The following ITGA7 variants were observed in gnomAD, a reference collection of about 807,000 sequenced individuals.
The protein encoded by ITGA7 is integrin alpha-7.
In ITGA7, 84 loss-of-function variants were observed where a neutral mutation model predicts 131.6. The ratio of observed to expected loss-of-function variants is 0.64; its 90% CI spans 0.54 to 0.77. ITGA7 has a LOEUF of 0.77. Among genes scored for constraint, ITGA7 ranks in the 30% least tolerant of loss-of-function variants. The probability of loss-of-function intolerance (pLI) is 0.00; values close to 1 mark genes in which losing one functional copy is unlikely to be tolerated. For missense variants in ITGA7, 1,399 were observed against 1,482.9 expected (o/e 0.94, Z 0.93); for synonymous variants, 548 against 600.7 (o/e 0.91, Z 1.28).
chr12:55,688,987 C>A (rs1298760726), intron 21 of ITGA7, 30 bp from the exon 22 acceptor site: 2 of 1,568,174 alleles, frequency 1.3e-6, no homozygotes, highest in Non-Finnish European at 1.8e-6. Context: ...GGGGTCTAAG[C>A]CACTCAGCTC....
intron 21 of ITGA7, among the ~76,000 whole-genome samples, chr12:55,690,274 A>G (rs1871148204): frequency 6.6e-6 from 1 of 152,230 alleles, no homozygotes; most frequent in South Asian, 2.1e-4. Flanking sequence ...CAAATTTACA[A>G]GAACAAAACA....
At chr12:55,693,941 G>T in intron 19 of ITGA7, 80 bp downstream of exon 19, 1 of 1,156,286 alleles carries the variant, frequency 8.6e-7, no homozygotes, top group Non-Finnish European at 1.3e-6. Flanking sequence ...AAGAGCCCCA[G>T]CCCTGGGGAC....
intron 22 of ITGA7, 49 bp downstream of exon 22, chr12:55,688,795 G>T: frequency 7.3e-7 from 1 of 1,373,632 alleles, no homozygotes; most frequent in Non-Finnish European, 1.0e-6. Context: ...GTCCTGGAGG[G>T]GCTTTGGAGG....
rs766195361 is a variant in ITGA7, at chr12:55,685,264, G to A, written c.3208C>T (p.His1070Tyr). The change falls in exon 25 of 25, where the codon CAC becomes TAC. Residue 1070 changes from histidine to tyrosine, a missense_variant. Transcript: ENST00000257879. ...WKMGFFKRAKHPEATVPQYHA... is the reference protein window; with the variant it reads ...WKMGFFKRAKYPEATVPQYHA... Reference sequence around the variant, plus strand: ...TACTGGGGCACGGTGGCCTCGGGGTGCTTCGCCCGTTTGAAGAATCCCATC... The same window carrying A: ...TACTGGGGCACGGTGGCCTCGGGGTACTTCGCCCGTTTGAAGAATCCCATC... The A allele has an allele frequency of 1.2e-6, 2 of 1,614,066 alleles. No homozygotes were observed. Among genetic ancestry groups the A allele is most frequent in the East Asian group, 2.2e-5 (1 of 44,894 alleles).
At position 55,696,347 on chromosome 12, in the gene ITGA7, C is replaced by A. The variant is rs765710345; in HGVS notation, c.1823G>T (p.Gly608Val). The A allele has an allele frequency of 1.2e-5, 19 of 1,587,626 alleles. No homozygotes were observed. The highest frequency in any genetic ancestry group is 1.7e-4 in the Middle Eastern group (1 of 6,048). ...GGGGGCCACTGGAGGCAGCCCCTGG[C>A]CAGGAGCCTGTCGCCGGAGCCGAGG... ...QTPRLRRQAP[G>V]QGLPPVAPIL... The change falls in exon 13 of 25, where the codon GGC (glycine) becomes GTC (valine). Residue 608 changes from glycine to valine, a missense_variant. Gly to Val is a moderately radical substitution (Grantham distance 109). Transcript: ENST00000257879.
chr12:55,700,297 G>A, intron 4 of ITGA7: 5 of 1,609,608 alleles, frequency 3.1e-6, no homozygotes, highest in Non-Finnish European at 2.5e-6. Context: ...GATGAGGCGG[G>A]GGTCCTGCTC....
chr12:55,695,675 G>A, intron 13 of ITGA7, 38 bp from the exon 14 acceptor site: 3 of 1,442,558 alleles, frequency 2.1e-6, no homozygotes, highest in Non-Finnish European at 2.9e-6. Flanking sequence ...TTCCTAGGGG[G>A]CAAGGCAGGG....
chr12:55,701,246 G>A, intron 3 of ITGA7, 92 bp from the exon 4 acceptor site: 1 of 1,592,514 alleles, frequency 6.3e-7, no homozygotes, highest in Non-Finnish European at 8.6e-7. Context: ...GGCAGATACT[G>A]ATACATGTGT....
rs983887738 is a variant in ITGA7, at chr12:55,686,079, C to T, written c.3184-791G>A. ...TCTAATTACCTCTCACCTCACATCACTCTCATGCAATCTCATTTTTCACCC... is the reference window on the plus strand; with the variant it reads ...TCTAATTACCTCTCACCTCACATCATTCTCATGCAATCTCATTTTTCACCC... On this transcript the variant is annotated intron_variant, in intron 24 of 24. Coordinates refer to ENST00000257879, the MANE Select transcript of ITGA7 (RefSeq NM_002206.3). 1.7e-5 allele frequency: 8 copies of T among 466,528 alleles called. No individual in the cohort carries two copies. The East Asian group carries it at 2.2e-4, about 13-fold the overall frequency. The allele number at this position is 466,528 out of a possible 1,614,324, so 28.9% of individuals were successfully genotyped here.
intron 1 of ITGA7, among the ~76,000 whole-genome samples, chr12:55,705,619 T>A (rs1379194061): frequency 6.6e-6 from 1 of 152,210 alleles, no homozygotes. Flanking sequence ...GGATCCAGAA[T>A]CTCTGTAAGG....
Position 55,698,887 on chromosome 12 carries a change from A to G in ITGA7, c.821T>C (p.Val274Ala). 6.2e-7 allele frequency: 1 copy of G among 1,613,480 alleles called. No individual in the cohort carries two copies. The highest frequency in any genetic ancestry group is 8.5e-7 in the Non-Finnish European group (1 of 1,179,788). ...GFSIDSGKGL[V>A]RAEELSFVAG... is the part of the protein sequence containing the mutation. The stretch of plus-strand genomic sequence containing the variant: ...CACAAAGCTCAGCTCTTCTGCACGC[A>G]CCAGACCTTTCCCCGAGTCAATAGA... Residue 274 changes from valine (V) to alanine (A), a missense_variant, in exon 6 of 25, where the codon GTG becomes GCG. By Grantham distance (64) the Val-to-Ala change is moderately conservative (BLOSUM62 0). Coordinates refer to ENST00000257879, the MANE Select transcript of ITGA7 (RefSeq NM_002206.3).
chr12:55,702,822 C>G, intron 3 of ITGA7, 50 bp downstream of exon 3: 3 of 1,487,368 alleles, frequency 2.0e-6, no homozygotes, highest in Non-Finnish European at 2.8e-6. Context: ...CATAAACACA[C>G]ACACACACAC....
intron 1 of ITGA7, among the ~76,000 whole-genome samples, chr12:55,703,992 C>A (rs1418256910): frequency 6.6e-6 from 1 of 152,194 alleles, no homozygotes; most frequent in Non-Finnish European, 1.5e-5. Flanking sequence ...TTTCCATGAT[C>A]ACAGCCAAGC....
chr12:55,707,888 G>T lies in ITGA7; in HGVS notation c.-206C>A. ...ACCGGCTAGGACAACTACAGCAGCC[G>T]CAGCTCCGGCGCCCACTCCGGCTCC... is the stretch of plus-strand genomic sequence containing the variant. On this transcript the variant is annotated 5_prime_UTR_variant, in exon 1 of 25. Transcript: ENST00000257879. The T allele has an allele frequency of 7.1e-7, 1 of 1,399,364 alleles. No homozygotes were observed. The highest frequency in any genetic ancestry group is 2.7e-5 in the East Asian group (1 of 36,452). The allele number at this position is 1,399,364 out of a possible 1,614,324, so 86.7% of individuals were successfully genotyped here.
Position 55,698,855 on chromosome 12 carries a change from C to T in ITGA7, c.853G>A (p.Ala285Thr). The change falls in exon 6 of 25, where the codon GCC becomes ACC. Residue 285 changes from alanine to threonine, a missense_variant. Ala to Thr is a moderately conservative substitution (Grantham distance 58, BLOSUM62 0). Transcript: ENST00000257879. ...GCACCCTTGTGGTTGGCGCGGGGGG[C>T]TCCAGCCACAAAGCTCAGCTCTTCT... ...RAEELSFVAG[A>T]PRANHKGAVV... is the part of the protein sequence containing the mutation. The T allele has an allele frequency of 1.2e-6, 2 of 1,613,820 alleles. No homozygotes were observed. The highest frequency in any genetic ancestry group is 1.7e-6 in the Non-Finnish European group (2 of 1,179,956).
Position 55,703,108 on chromosome 12 carries a change from C to G in ITGA7, c.277G>C (p.Ala93Pro), listed in dbSNP as rs777338785. The change falls in exon 2 of 25, where the codon GCT becomes CCT. Residue 93 changes from alanine (A) to proline (P), a missense_variant. Physicochemically the swap from Ala to Pro is conservative, Grantham distance 27. Transcript: ENST00000257879. ...QQANRTGGLF[A>P]CPLSLEETDC... ...GTCTCCTCCAGGCTCAACGGGCAAG[C>G]GAAGAGGCCTCCAGTGCGATTCGCC... 1.9e-6 allele frequency: 3 copies of G among 1,613,982 alleles called. No individual in the cohort carries two copies. Among genetic ancestry groups the G allele is most frequent in the Non-Finnish European group, 2.5e-6 (3 of 1,180,048 alleles).
Position 55,684,929 on chromosome 12 carries a change from C to T in ITGA7, c.*129G>A. ...TTCTTGTGGGTGGGAGAGGTCTGTG[C>T]CCCTGAGGAAGCCGATCCTGCCAAA... On this transcript the variant is annotated 3_prime_UTR_variant, in exon 25 of 25. Transcript: ENST00000257879. 6.8e-6 allele frequency: 5 copies of T among 734,938 alleles called. No homozygotes were observed. The highest frequency in any genetic ancestry group is 1.1e-5 in the Non-Finnish European group (5 of 458,846). 45.5% of individuals were successfully genotyped at this position (734,938 alleles called of 1,614,324 possible). A position where few individuals can be genotyped will look rare whatever the true frequency, so the allele number is the denominator to read the frequency against.
At chr12:55,703,210 C>T (rs1322721905) in intron 1 of ITGA7, 32 bp from the exon 2 acceptor site, 1 of 1,602,266 alleles carries the variant, frequency 6.2e-7, no homozygotes, top group Non-Finnish European at 8.5e-7. Context: ...GGGACAGGGA[C>T]AGGAGTTAGA....
At chr12:55,695,172 T>C (rs538001475) in intron 14 of ITGA7, 2 of 612,520 alleles carry the variant, frequency 3.3e-6, no homozygotes, top group Admixed American at 5.7e-5. Context: ...AGCTCCACCA[T>C]TACTTACCTT....
Sources: gnomAD v4.1 joint callset for allele counts (sites outside exome capture counted in the v4.1 genomes callset) on GRCh38, gnomAD v4.1.1 for gene constraint, MANE v1.5 for transcripts, NCBI Gene and HGNC (gene_info 2026-07-23, HGNC 2026-07-21) for gene names.